DHRS1: variants seen among roughly 807,000 people sequenced by gnomAD.
DHRS1 encodes dehydrogenase/reductase 1.
In DHRS1, 34 loss-of-function variants were observed where a neutral mutation model predicts 35.2. The observed-to-expected ratio is 0.97, with a 90% CI of 0.74 to 1.29. DHRS1 has a LOEUF of 1.29. Among genes scored for constraint, DHRS1 ranks in the 50% most tolerant of loss-of-function variants. DHRS1 has a pLI of 0.00. For synonymous variants in DHRS1, 133 were observed against 160.0 expected (o/e 0.83, Z 1.27); for missense variants, 354 against 403.6 (o/e 0.88, Z 1.05).
intron 2 of DHRS1, among the ~76,000 whole-genome samples, chr14:24,297,629 A>G (rs1039689632): frequency 6.6e-6 from 1 of 152,112 alleles, no homozygotes; most frequent in Admixed American, 6.5e-5. Context: ...CCTGTTCAAA[A>G]TCTCCTAACT....
chr14:24,292,043 A>T, intron 6 of DHRS1, 141 bp downstream of exon 6: 2 of 1,072,600 alleles, frequency 1.9e-6, no homozygotes, highest in Non-Finnish European at 2.8e-6. Context: ...TTACAGGATT[A>T]AAGGAAATAA....
Position 24,290,748 on chromosome 14 carries a change from TTCATA to T in DHRS1, c.*106_*110del. ...ACGGACACACAGCAGAGGGCTTCTCTTCATATCAAGGGTATGGGTAAACAAGAAAG... is the reference window on the plus strand; with the variant it reads ...ACGGACACACAGCAGAGGGCTTCTCTTCAAGGGTATGGGTAAACAAGAAAG... On this transcript the variant is annotated 3_prime_UTR_variant, in exon 9 of 9. Transcript: ENST00000288111. 3 of 1,415,276 alleles carry T rather than the reference TTCATA, an allele frequency of 2.1e-6. No homozygotes were observed. The highest frequency in any genetic ancestry group is 2.9e-6 in the Non-Finnish European group (3 of 1,020,012). The allele number at this position is 1,415,276 out of a possible 1,614,324, so 87.7% of individuals were successfully genotyped here.
Position 24,290,793 on chromosome 14 carries a change from GAGAC to G in DHRS1, c.*62_*65del. On this transcript the variant is annotated 3_prime_UTR_variant, in exon 9 of 9. Coordinates refer to ENST00000288111, the MANE Select transcript of DHRS1 (RefSeq NM_001136050.3). ...AAACAAGAAAGGCTGCTGTTTCACT[GAGAC>G]AGGACGAACCACCAAGTCCAAATGA... 6.3e-7 allele frequency: 1 copy of G among 1,591,884 alleles called. No homozygotes were observed. The highest frequency in any genetic ancestry group is 8.6e-7 in the Non-Finnish European group (1 of 1,162,510).
chr14:24,296,935 A>C, intron 2 of DHRS1, 54 bp from the exon 3 acceptor site: 1 of 1,609,622 alleles, frequency 6.2e-7, no homozygotes, highest in Non-Finnish European at 8.5e-7. Flanking sequence ...GTGAGTCATG[A>C]CAAAACTCCC....
intron 2 of DHRS1, among the ~76,000 whole-genome samples, chr14:24,298,461 G>A (rs770283049): frequency 6.6e-6 from 1 of 152,190 alleles, no homozygotes; most frequent in Non-Finnish European, 1.5e-5. Flanking sequence ...TTTAACTGAA[G>A]TCTAGTAAAT....
chr14:24,298,939 C>T lies in DHRS1; in HGVS notation c.150+18G>A. ...CTCGGGTGGTTTCTGCAACTGTGGT[C>T]CCAGAGGAAGCACTCACCTCCTGAG... On this transcript the variant is annotated intron_variant, in intron 2 of 8. Transcript: ENST00000288111. 1 of 1,592,690 alleles carries T rather than the reference C, an allele frequency of 6.3e-7. No individual in the cohort carries two copies. Among genetic ancestry groups the T allele is most frequent in the Non-Finnish European group, 8.6e-7 (1 of 1,163,614 alleles).
At chr14:24,298,312 A>G (rs2041297274) in intron 2 of DHRS1, among the ~76,000 whole-genome samples, 1 of 152,210 alleles carries the variant, frequency 6.6e-6, no homozygotes, top group African/African-American at 2.4e-5. Flanking sequence ...TTGGCCACCC[A>G]AAGTGCTGGG....
intron 1 of DHRS1, 186 bp downstream of exon 1, chr14:24,299,395 G>T (rs1014428092): frequency 2.8e-5 from 9 of 316,168 alleles, no homozygotes; most frequent in Non-Finnish European, 1.8e-5. Context: ...GAGTGTGGCT[G>T]CCTGGATATG....
At chr14:24,293,278 G>A (rs1391241721) in intron 4 of DHRS1, 2 of 153,358 alleles carry the variant, frequency 1.3e-5, no homozygotes, top group African/African-American at 4.8e-5. Context: ...GAATAAACGT[G>A]AGAACAGCCA....
At position 24,291,921 on chromosome 14, in the gene DHRS1, G is replaced by A. The variant is rs545911719; in HGVS notation, c.654+263C>T. 1.2e-5 allele frequency: 7 copies of A among 602,392 alleles called. No individual in the cohort carries two copies. In the East Asian group the frequency reaches 1.9e-4, roughly 17 times the overall value. The allele number at this position is 602,392 out of a possible 1,614,324, so 37.3% of individuals were successfully genotyped here. On this transcript the variant is annotated intron_variant, in intron 6 of 8. Transcript: ENST00000288111. ...TAGCTGGTGTGGGGGTCAAGTGCAT[G>A]GTCTTTGGAGCTAGACAGCCTTTCC...
rs879053422 is a variant in DHRS1, at chr14:24,292,166, C to T, written c.654+18G>A. On this transcript the variant is annotated intron_variant, in intron 6 of 8. Coordinates refer to ENST00000288111, the MANE Select transcript of DHRS1 (RefSeq NM_001136050.3). ...CGACTCCCCTGTTCTCTGCTTCCTTCGCCCTCCCCTTGCCAACCTGCTTCA... is the reference window on the plus strand; with the variant it reads ...CGACTCCCCTGTTCTCTGCTTCCTTTGCCCTCCCCTTGCCAACCTGCTTCA... 8 of 1,613,914 alleles carry T rather than the reference C, an allele frequency of 5.0e-6. No individual in the cohort carries two copies. The highest frequency in any genetic ancestry group is 2.2e-5 in the East Asian group (1 of 44,898).
At chr14:24,291,932 C>A (rs915929298) in intron 6 of DHRS1, 7 of 607,262 alleles carry the variant, frequency 1.2e-5, no homozygotes, top group African/African-American at 3.7e-5. Context: ...GTCTTTGGAG[C>A]TAGACAGCCT....
chr14:24,292,875 G>A (rs956078399), intron 4 of DHRS1, 91 bp from the exon 5 acceptor site: 16 of 1,481,688 alleles, frequency 1.1e-5, no homozygotes, highest in African/African-American at 1.4e-5. Context: ...CCTTCTGGTG[G>A]TTGTTGTCCA....
rs201499437 is a variant in DHRS1, at chr14:24,296,893, CAG to C, written c.151-14_151-13del. 5.5e-4 allele frequency: 883 copies of C among 1,614,146 alleles called. 9 individuals carry two copies. In the East Asian group the frequency reaches 0.015, roughly 28 times the overall value. Reference sequence around the variant, plus strand: ...CCGAGGGATTGTGCCTGGAGTAGGACAGGGGATATGAGCTCACATTCACACAT... The same window carrying C: ...CCGAGGGATTGTGCCTGGAGTAGGACGGGATATGAGCTCACATTCACACAT... On this transcript the variant is annotated splice_polypyrimidine_tract_variant and intron_variant, in intron 2 of 8. Transcript: ENST00000288111.
chr14:24,292,476 T>C, intron 5 of DHRS1, 146 bp from the exon 6 acceptor site: 1 of 1,470,300 alleles, frequency 6.8e-7, no homozygotes, highest in South Asian at 1.2e-5. Context: ...CCCAGTGTGA[T>C]GCCTACTCTA....
At position 24,299,045 on chromosome 14, in the gene DHRS1, C is replaced by T. The variant is rs753215367; in HGVS notation, c.62G>A (p.Arg21His). 1.3e-5 allele frequency: 21 copies of T among 1,613,922 alleles called. No individual in the cohort carries two copies. In the Admixed American group the frequency reaches 1.7e-4, roughly 13 times the overall value. ...TTTGCAGAGCTGCAAGGCAATGCCA[C>T]GGCCAATACCCCTGGAGGCACCAGT... ...VVTGASRGIG[R>H]GIALQLCKAG... is the part of the protein sequence containing the mutation. The change falls in exon 2 of 9, where the codon CGT becomes CAT. Residue 21 changes from arginine (R) to histidine (H), a missense_variant. Coordinates refer to ENST00000288111, the MANE Select transcript of DHRS1 (RefSeq NM_001136050.3).
At chr14:24,292,076 G>T in intron 6 of DHRS1, 108 bp downstream of exon 6, 3 of 1,381,114 alleles carry the variant, frequency 2.2e-6, no homozygotes, top group Non-Finnish European at 2.0e-6. Context: ...GCTCAGCCCT[G>T]CACCTGCCAC....
At chr14:24,298,054 A>T (rs550521868) in intron 2 of DHRS1, among the ~76,000 whole-genome samples, 21 of 148,432 alleles carry the variant, frequency 1.4e-4, no homozygotes, top group South Asian at 2.1e-4. Flanking sequence ...TTTAATTAAA[A>T]TTTTTTTTTT....
intron 4 of DHRS1, among the ~76,000 whole-genome samples, chr14:24,295,840 G>C (rs1261476482): frequency 6.6e-6 from 1 of 152,186 alleles, no homozygotes; most frequent in Non-Finnish European, 1.5e-5. Flanking sequence ...ACATGCTTTA[G>C]TCACAGATTT....
Sources: allele counts gnomAD v4.1 joint callset (sites outside exome capture counted in the v4.1 genomes callset), GRCh38; gene constraint gnomAD v4.1.1; transcripts MANE v1.5; gene names NCBI Gene and HGNC (gene_info 2026-07-23, HGNC 2026-07-21).